DOP1B: variants seen among roughly 807,000 people sequenced by gnomAD.
The protein encoded by DOP1B is DOP1 leucine zipper like protein B.
In DOP1B, 174 loss-of-function variants were observed where a neutral mutation model predicts 233.5. The observed-to-expected ratio is 0.75, with a 90% confidence interval of 0.66 to 0.85. DOP1B has a LOEUF of 0.85. Ranked by LOEUF, DOP1B falls within the 40% of genes least tolerant of loss-of-function variation. The probability of loss-of-function intolerance (pLI) is 0.00; values close to 1 mark genes in which losing one functional copy is unlikely to be tolerated. For synonymous variants in DOP1B, 1,190 were observed against 1,185.6 expected, an observed-to-expected ratio of 1.00 and a Z score of -0.08; for missense variants, 2,652 against 2,846.6, an observed-to-expected ratio of 0.93 and a Z score of 1.56.
At chr21:36,278,884 C>T (rs1044025804) in intron 30 of DOP1B, among the ~76,000 whole-genome samples, 1 of 151,754 alleles carries the variant, frequency 6.6e-6, no homozygotes, top group East Asian at 1.9e-4. Context: ...AAATAAACAG[C>T]AGAACTTGGG....
At chr21:36,160,144 A>G (rs1601367513) in intron 1 of DOP1B, among the ~76,000 whole-genome samples, 1 of 152,074 alleles carries the variant, frequency 6.6e-6, no homozygotes, top group Non-Finnish European at 1.5e-5. Flanking sequence ...TAATAATAAT[A>G]ATAATAATAT....
chr21:36,166,304 G>A lies in DOP1B; in HGVS notation c.138+1433G>A, dbSNP rs559030316. Reference sequence around the variant, plus strand: ...ACAAAAAAATTAGCCGGGCGTGGTGGCGAGCACCTGTAGTCCCAGCTTCTC... The same window carrying A: ...ACAAAAAAATTAGCCGGGCGTGGTGACGAGCACCTGTAGTCCCAGCTTCTC... On this transcript the variant is annotated intron_variant, in intron 2 of 36. Coordinates refer to ENST00000691173, the MANE Select transcript of DOP1B (RefSeq NM_001320714.2). Among the ~76,000 whole-genome samples the A allele has an allele frequency of 3.4e-3, 515 of 151,982 alleles. 2 individuals carry two copies. The highest frequency in any genetic ancestry group is 0.014 in the South Asian group (67 of 4,788).
chr21:36,210,894 T>C (rs2066488699), intron 5 of DOP1B, among the ~76,000 whole-genome samples: 1 of 152,190 alleles, frequency 6.6e-6, no homozygotes, highest in Non-Finnish European at 1.5e-5. Flanking sequence ...AACCATCTGC[T>C]CCCAGCCACA....
chr21:36,232,796 C>T lies in DOP1B; in HGVS notation c.2351-8C>T, dbSNP rs2066782485. On this transcript the variant is annotated splice_polypyrimidine_tract_variant and splice_region_variant and intron_variant, in intron 14 of 36. Coordinates refer to ENST00000691173, the MANE Select transcript of DOP1B (RefSeq NM_001320714.2). Reference sequence around the variant, plus strand: ...TTGTTTCTGCCTCTCCGGCTGGCTTCCTTTCAGGAGCCGGTGATTCCAGTT... The same window carrying T: ...TTGTTTCTGCCTCTCCGGCTGGCTTTCTTTCAGGAGCCGGTGATTCCAGTT... 2.5e-6 allele frequency: 4 copies of T among 1,611,972 alleles called. No individual in the cohort carries two copies. The highest frequency in any genetic ancestry group is 1.1e-5 in the South Asian group (1 of 90,988).
intron 2 of DOP1B, among the ~76,000 whole-genome samples, chr21:36,182,890 G>A (rs2066117290): frequency 6.6e-6 from 1 of 152,180 alleles, no homozygotes; most frequent in Admixed American, 6.5e-5. Flanking sequence ...GGATCTTTTG[G>A]GGATGTCACT....
At chr21:36,253,065 T>C (rs1285602330) in intron 22 of DOP1B, among the ~76,000 whole-genome samples, 2 of 152,226 alleles carry the variant, frequency 1.3e-5, no homozygotes, top group East Asian at 3.8e-4. Context: ...GCCTGTCGGC[T>C]CCTTCCCTGG....
chr21:36,208,986 C>A, intron 5 of DOP1B, 82 bp downstream of exon 5: 1 of 1,364,460 alleles, frequency 7.3e-7, no homozygotes. Context: ...GTCACTGAAG[C>A]TGCAAAGGGA....
At chr21:36,182,634 G>C (rs1601389552) in intron 2 of DOP1B, among the ~76,000 whole-genome samples, 1 of 152,138 alleles carries the variant, frequency 6.6e-6, no homozygotes, top group Non-Finnish European at 1.5e-5. Context: ...TTTGAGACCA[G>C]CCTGAGCAAC....
chr21:36,263,993 G>C (rs2067205132), intron 26 of DOP1B, among the ~76,000 whole-genome samples, 179 bp downstream of exon 26: 1 of 152,206 alleles, frequency 6.6e-6, no homozygotes, highest in African/African-American at 2.4e-5. Flanking sequence ...ACAGTCCCGG[G>C]GCCCGGGTTT....
At position 36,270,152 on chromosome 21, in the gene DOP1B, T is replaced by G. The variant is rs1234531291; in HGVS notation, c.5627T>G (p.Leu1876Arg). Reference sequence around the variant, plus strand: ...GAAGAATCTGATGCTGAGGAGGACCTGTATGGTAGGTGGAGATGGGTTGGC... The same window carrying G: ...GAAGAATCTGATGCTGAGGAGGACCGGTATGGTAGGTGGAGATGGGTTGGC... ...SLEESDAEED[L>R]YDAAAASAMV... Residue 1876 changes from leucine (L) to arginine (R), a missense_variant, in exon 27 of 37, where the codon CTG becomes CGG. Coordinates refer to ENST00000691173, the MANE Select transcript of DOP1B (RefSeq NM_001320714.2). 6.2e-7 allele frequency: 1 copy of G among 1,613,820 alleles called. No homozygotes were observed. The highest frequency in any genetic ancestry group is 2.2e-5 in the East Asian group (1 of 44,858).
chr21:36,200,971 C>T (rs1489917317), intron 4 of DOP1B, among the ~76,000 whole-genome samples: 10 of 152,154 alleles, frequency 6.6e-5, no homozygotes, highest in African/African-American at 2.4e-5. Context: ...TCTCTCTTGT[C>T]TCTTTACCAA....
At chr21:36,210,378 C>A (rs34727713) in intron 5 of DOP1B, among the ~76,000 whole-genome samples, 35,953 of 151,858 alleles carry the variant, frequency 0.24, 4,262 homozygotes, top group Non-Finnish European at 0.26. Context: ...GGCGCAGTGG[C>A]TCATGCCTGT....
chr21:36,275,019 A>G (rs967248485), intron 27 of DOP1B, among the ~76,000 whole-genome samples: 1 of 151,836 alleles, frequency 6.6e-6, no homozygotes, highest in Non-Finnish European at 1.5e-5. Context: ...TAATTTTTGT[A>G]TTTTTGACAG....
intron 11 of DOP1B, among the ~76,000 whole-genome samples, chr21:36,224,382 G>A (rs2066658412): frequency 6.6e-6 from 1 of 151,924 alleles, no homozygotes; most frequent in South Asian, 2.1e-4. Flanking sequence ...GTTTCACCAT[G>A]TTGGCCAGGC....
intron 4 of DOP1B, among the ~76,000 whole-genome samples, chr21:36,207,359 A>G (rs1251890647): frequency 6.6e-6 from 1 of 151,432 alleles, no homozygotes; most frequent in East Asian, 1.9e-4. Context: ...TAATTTTTGC[A>G]TTTTTAATAG....
chr21:36,212,938 C>T (rs374380103), intron 7 of DOP1B, among the ~76,000 whole-genome samples: 5 of 152,272 alleles, frequency 3.3e-5, no homozygotes, highest in East Asian at 3.9e-4. Context: ...CCCACCACCC[C>T]GGCTGGGTAA....
chr21:36,227,284 A>G (rs1255881757), intron 12 of DOP1B, among the ~76,000 whole-genome samples: 3 of 151,846 alleles, frequency 2.0e-5, no homozygotes, highest in Non-Finnish European at 2.9e-5. Context: ...ACGGTGGCTC[A>G]CGCCTGTAAT....
chr21:36,291,687 C>T (rs747853762), intron 35 of DOP1B, among the ~76,000 whole-genome samples: 6 of 152,176 alleles, frequency 3.9e-5, no homozygotes, highest in Non-Finnish European at 7.3e-5. Context: ...CATATCCATA[C>T]AGTGGAATAC....
chr21:36,196,510 T>C (rs1478085182), intron 2 of DOP1B, among the ~76,000 whole-genome samples: 2 of 150,234 alleles, frequency 1.3e-5, no homozygotes, highest in African/African-American at 2.5e-5. Flanking sequence ...TTAAGTGGCC[T>C]CTCCTCTGTT....
Sources: allele counts gnomAD v4.1 joint callset (sites outside exome capture counted in the v4.1 genomes callset), GRCh38; gene constraint gnomAD v4.1.1; transcripts MANE v1.5; gene names NCBI Gene and HGNC (gene_info 2026-07-23, HGNC 2026-07-21).